DCHS1: variants seen among roughly 807,000 people sequenced by gnomAD.
The protein encoded by DCHS1 is protocadherin-16.
Under a neutral mutation model 213.9 loss-of-function variants are expected in DCHS1, and 78 were observed. The observed-to-expected ratio is 0.36, with a 90% CI of 0.30 to 0.44. The LOEUF is 0.44. Ranked by LOEUF, DCHS1 falls within the 20% of genes least tolerant of loss-of-function variation. DCHS1 has a pLI of 1.00. For synonymous variants in DCHS1, 1,828 were observed against 1,873.7 expected (o/e 0.98, Z 0.63); for missense variants, 3,946 against 4,395.9 (o/e 0.90, Z 2.89).
In DCHS1 at chr11:6,653,535, T is replaced by C. The variant is rs139722144; in HGVS notation, c.-121+2028A>G. 4.0e-3 allele frequency among the ~76,000 whole-genome samples: 613 copies of C among 152,272 alleles called. 4 individuals carry two copies. The highest frequency in any genetic ancestry group is 7.4e-3 in the Non-Finnish European group (506 of 68,024). ...ATGAATTAGCGTTTTGATTAATTAA[T>C]CTACTGAAAACAATGGTGTGAGGGA... On this transcript the variant is annotated intron_variant, in intron 1 of 20. Coordinates refer to ENST00000299441, the MANE Select transcript of DCHS1 (RefSeq NM_003737.4).
At position 6,625,080 on chromosome 11, in the gene DCHS1, T is replaced by C; in HGVS notation, c.7146+118A>G. On this transcript the variant is annotated intron_variant, in intron 19 of 20. Coordinates refer to ENST00000299441, the MANE Select transcript of DCHS1 (RefSeq NM_003737.4). The surrounding 1 kb of genome is among the most constrained non-coding windows in gnomAD (Gnocchi z 5.3). Reference sequence around the variant, plus strand: ...GATGTAGTTCACAGGACTTGGGACCTTCCCATTCCCAGATCAGCTCCAACG... The same window carrying C: ...GATGTAGTTCACAGGACTTGGGACCCTCCCATTCCCAGATCAGCTCCAACG... 3 of 1,440,570 alleles carry C rather than the reference T, an allele frequency of 2.1e-6. No homozygotes were observed. The highest frequency in any genetic ancestry group is 1.9e-6 in the Non-Finnish European group (2 of 1,069,132). 89.2% of individuals were successfully genotyped at this position (1,440,570 alleles called of 1,614,324 possible).
chr11:6,652,242 G>T (rs1021425930), intron 1 of DCHS1, among the ~76,000 whole-genome samples: 1 of 152,184 alleles, frequency 6.6e-6, no homozygotes, highest in Non-Finnish European at 1.5e-5. Flanking sequence ...AAGGAGAAAA[G>T]AATGGTCAAT....
intron 1 of DCHS1, among the ~76,000 whole-genome samples, chr11:6,653,478 G>C: frequency 6.6e-6 from 1 of 152,244 alleles, no homozygotes; most frequent in Non-Finnish European, 1.5e-5. Context: ...ATGCCTAGCA[G>C]AGTAGGTGCC....
At chr11:6,634,337 C>T in intron 2 of DCHS1, 31 bp from the exon 3 acceptor site, 3 of 1,533,132 alleles carry the variant, frequency 2.0e-6, no homozygotes, top group Non-Finnish European at 1.8e-6. Context: ...GTGGTGTCCC[C>T]TCTTCTTTGC....
At chr11:6,642,453 C>T (rs1018966039) in intron 1 of DCHS1, among the ~76,000 whole-genome samples, 1 of 152,078 alleles carries the variant, frequency 6.6e-6, no homozygotes, top group Non-Finnish European at 1.5e-5. Flanking sequence ...TCAGGGAGTC[C>T]GTGTTTTGCC....
rs760159476 is a variant in DCHS1 at position 6,627,320 on chromosome 11, T to G, written c.5719A>C (p.Ser1907Arg). 5.6e-6 allele frequency: 9 copies of G among 1,610,956 alleles called. No homozygotes were observed. The highest frequency in any genetic ancestry group is 7.6e-6 in the Non-Finnish European group (9 of 1,178,702). Residue 1907 changes from serine to arginine, a missense_variant, in exon 14 of 21, where the codon AGC becomes CGC. Around this residue, in one of 3 missense-constraint regions of DCHS1, gnomAD observed 3,384 missense variants for 3,780.1 expected, o/e 0.90. Coordinates refer to ENST00000299441, the MANE Select transcript of DCHS1 (RefSeq NM_003737.4). The surrounding 1 kb of genome is among the most constrained non-coding windows in gnomAD (Gnocchi z 5.4). The part of the protein sequence containing the change: ...GTAGAFLLEP[S>R]SGELRTAAAL... ...GCAGCTGTGCGCAGTTCTCCAGAGC[T>G]GGGCTCCAGCAGGAAGGCTCCTGCT...
In DCHS1 at chr11:6,624,068, C is replaced by G. The variant is rs1293212832; in HGVS notation, c.7608G>C (p.Arg2536Ser). ...CAGCACTCTCCCCAGCCTCAGCCAG[C>G]CTGGGTTCCAGCTGGAAGACTCGGC... ...NWGRVFQLEP[R>S]LAEAGESAGP... Residue 2536 changes from arginine to serine, a missense_variant, in exon 21 of 21, where the codon AGG becomes AGC. Transcript: ENST00000299441. 1.2e-6 allele frequency: 2 copies of G among 1,613,164 alleles called. No individual in the cohort carries two copies. Among genetic ancestry groups the G allele is most frequent in the Non-Finnish European group, 8.5e-7 (1 of 1,179,688 alleles).
intron 1 of DCHS1, among the ~76,000 whole-genome samples, chr11:6,653,353 A>G (rs146842806): frequency 1.5e-3 from 234 of 152,318 alleles, no homozygotes; most frequent in African/African-American, 4.9e-3. Flanking sequence ...ACACTGGCCT[A>G]GGTTACTCTG....
rs368384135 is a variant in DCHS1, at chr11:6,621,966, G to A, written c.9710C>T (p.Ser3237Phe). The change falls in exon 21 of 21, where the codon TCC becomes TTC. Residue 3237 changes from serine (S) to phenylalanine (F), a missense_variant. Ser to Phe is a radical substitution (Grantham distance 155, BLOSUM62 -2). Coordinates refer to ENST00000299441, the MANE Select transcript of DCHS1 (RefSeq NM_003737.4). Reference protein sequence around the residue: ...RAIFPPASHRSPISHEGSLSS... With the variant: ...RAIFPPASHRFPISHEGSLSS... ...CAGGGAGCCTTCATGGCTGATGGGGGAGCGGTGAGAAGCTGGTGGGAAGAT... is the reference window on the plus strand; with the variant it reads ...CAGGGAGCCTTCATGGCTGATGGGGAAGCGGTGAGAAGCTGGTGGGAAGAT... 6 of 1,613,382 alleles carry A rather than the reference G, an allele frequency of 3.7e-6. No homozygotes were observed. The African/African-American group carries it at 6.7e-5, about 18-fold the overall frequency.
In DCHS1 at chr11:6,630,417, G is replaced by T; in HGVS notation, c.4377C>A (p.Arg1459=). The T allele has an allele frequency of 6.9e-7, 1 of 1,449,162 alleles. No individual in the cohort carries two copies. Among genetic ancestry groups the T allele is most frequent in the Admixed American group, 2.7e-5 (1 of 37,472 alleles). The allele number at this position is 1,449,162 out of a possible 1,614,324, so 89.8% of individuals were successfully genotyped here. Residue 1459 remains arginine, a synonymous_variant, in exon 10 of 21, where the codon CGC becomes CGA. Transcript: ENST00000299441. ...GGCCGGGGCCGTCGGCGTCCGACGC[G>T]CGGAAAGTGTACAGCGCTGCGCCGG... The part of the protein sequence containing the change: ...PEPGAALYTF[R]ASDADGPGPN...
chr11:6,643,636 G>C (rs188588943), intron 1 of DCHS1, among the ~76,000 whole-genome samples: 15 of 152,288 alleles, frequency 9.8e-5, no homozygotes, highest in Non-Finnish European at 7.4e-5. Context: ...GTCCTGGGCA[G>C]TGTCTTTTCC....
At position 6,640,735 on chromosome 11, in the gene DCHS1, C is replaced by G. The variant is rs1226505810; in HGVS notation, c.879G>C (p.Glu293Asp). ...CACCCTCGCTCTGCCTCCGGTTGAT[C>G]TCGTAAGTCACAGCCCCATTGACAC... is the stretch of plus-strand genomic sequence containing the variant. Reference protein sequence around the residue: ...DAGVNGAVTYEINRRQSEGDG... With the variant: ...DAGVNGAVTYDINRRQSEGDG... Residue 293 changes from glutamate to aspartate, a missense_variant, in exon 2 of 21, where the codon GAG (glutamate) becomes GAC (aspartate). This residue lies in a region of DCHS1 where 3,384 missense variants were observed against 3,780.1 expected (regional missense o/e 0.90). Coordinates refer to ENST00000299441, the MANE Select transcript of DCHS1 (RefSeq NM_003737.4). This position sits in a 1 kb window ranked among gnomAD's most constrained non-coding sequence, Gnocchi z 6.5. 2.4e-5 allele frequency: 38 copies of G among 1,613,830 alleles called. No homozygotes were observed. Among genetic ancestry groups the G allele is most frequent in the Non-Finnish European group, 3.1e-5 (36 of 1,179,890 alleles).
rs199875933 is a variant in DCHS1, at chr11:6,634,168, G to A, written c.1936C>T (p.Arg646Cys). The A allele has an allele frequency of 6.8e-6, 11 of 1,612,096 alleles. No individual in the cohort carries two copies. Among genetic ancestry groups the A allele is most frequent in the Middle Eastern group, 1.6e-4 (1 of 6,078 alleles). Residue 646 changes from arginine to cysteine, a missense_variant, in exon 3 of 21, where the codon CGT becomes TGT. Transcript: ENST00000299441. Reference sequence around the variant, plus strand: ...TCAAAGCTTGAGGGCCCCTGGTCACGGTCCAGGGTCCGGGTTGTGCACACA... The same window carrying A: ...TCAAAGCTTGAGGGCCCCTGGTCACAGTCCAGGGTCCGGGTTGTGCACACA... ...GDVCTTRTLD[R>C]DQGPSSFDFT... is the part of the protein sequence containing the mutation.
rs947274722 is a variant in DCHS1 at position 6,622,637 on chromosome 11, T to C, written c.9039A>G (p.Pro3013=). 6.9e-6 allele frequency: 11 copies of C among 1,588,146 alleles called. No homozygotes were observed. Among genetic ancestry groups the C allele is most frequent in the Non-Finnish European group, 9.4e-6 (11 of 1,167,584 alleles). Residue 3013 remains proline, a synonymous_variant, in exon 21 of 21, where the codon CCA becomes CCG. Transcript: ENST00000299441. This position sits in a 1 kb window ranked among gnomAD's most constrained non-coding sequence, Gnocchi z 5.4. Reference sequence around the variant, plus strand: ...CACGGGGGTAGGGTCCTCCAGCTCCTGGCCCACCATAGCTGGGAAGAGTCT... The same window carrying C: ...CACGGGGGTAGGGTCCTCCAGCTCCCGGCCCACCATAGCTGGGAAGAGTCT... ...YHQTLPSYGG[P]GAGGPYPRGG...
intron 2 of DCHS1, among the ~76,000 whole-genome samples, chr11:6,636,784 C>G (rs181411252): frequency 5.3e-5 from 8 of 152,196 alleles, no homozygotes; most frequent in Admixed American, 3.3e-4. Flanking sequence ...CCTCTTCTCA[C>G]TCCACACATT....
Position 6,631,729 on chromosome 11 carries a change from T to C in DCHS1, c.3562A>G (p.Ser1188Gly). 2 of 1,608,990 alleles carry C rather than the reference T, an allele frequency of 1.2e-6. No homozygotes were observed. The highest frequency in any genetic ancestry group is 1.7e-6 in the Non-Finnish European group (2 of 1,177,470). ...QLLVQVQDGG[S>G]PPRSTTGTVH... ...GTGCCTGTGGTGCTGCGGGGTGGGC[T>C]CCCTCCATCCTGCACCTGCACCAGG... Residue 1188 changes from serine (S) to glycine (G), a missense_variant, in exon 7 of 21, where the codon AGC becomes GGC. By Grantham distance (56) the Ser-to-Gly change is moderately conservative. Coordinates refer to ENST00000299441, the MANE Select transcript of DCHS1 (RefSeq NM_003737.4).
rs138329507 is a variant in DCHS1, at chr11:6,627,127, C to A, written c.5912G>T (p.Arg1971Leu). Residue 1971 changes from arginine (R) to leucine (L), a missense_variant, in exon 14 of 21, where the codon CGC becomes CTC. Physicochemically the swap from Arg to Leu is moderately radical, Grantham distance 102 (BLOSUM62 -2). Transcript: ENST00000299441. The surrounding 1 kb of genome is among the most constrained non-coding windows in gnomAD (Gnocchi z 5.4). ...PTSPLRLRLPRPGPSFSTPTL... is the reference protein window; with the variant it reads ...PTSPLRLRLPLPGPSFSTPTL... ...TGGGGTACTGAAGCTGGGGCCTGGG[C>A]GGGGCAGACGTAGGCGCAGAGGACT... 8.7e-6 allele frequency: 14 copies of A among 1,612,522 alleles called. No homozygotes were observed. Among genetic ancestry groups the A allele is most frequent in the Non-Finnish European group, 1.2e-5 (14 of 1,179,382 alleles).
Position 6,625,453 on chromosome 11 carries a change from C to G in DCHS1, c.6891G>C (p.Gln2297His), listed in dbSNP as rs1387695061. 2 of 1,601,890 alleles carry G rather than the reference C, an allele frequency of 1.2e-6. No individual in the cohort carries two copies. Among genetic ancestry groups the G allele is most frequent in the African/African-American group, 2.7e-5 (2 of 74,288 alleles). The change falls in exon 19 of 21, where the codon CAG becomes CAC. Residue 2297 changes from glutamine to histidine, a missense_variant. By Grantham distance (24) the Gln-to-His change is conservative. Coordinates refer to ENST00000299441, the MANE Select transcript of DCHS1 (RefSeq NM_003737.4). This position sits in a 1 kb window ranked among gnomAD's most constrained non-coding sequence, Gnocchi z 5.3. ...CTGAGTCCACATCATTCCCTGTTAC[C>G]TGTGCAATCTCTGAGCCCAATAACG... ...EDALLGSEIA[Q>H]VTGNDVDSGP...
chr11:6,631,076 C>T lies in DCHS1; in HGVS notation c.3907G>A (p.Ala1303Thr), dbSNP rs771547787. 4 of 1,610,850 alleles carry T rather than the reference C, an allele frequency of 2.5e-6. No individual in the cohort carries two copies. In the African/African-American group the frequency reaches 4.0e-5, roughly 16 times the overall value. The part of the protein sequence containing the change: ...AHDQGSPPRS[A>T]SLQLLVQVLP... ...ACCTGCACCAGCAGCTGGAGGCTGGCACTTCGAGGAGGGCTGCCTTGGTCA... is the reference window on the plus strand; with the variant it reads ...ACCTGCACCAGCAGCTGGAGGCTGGTACTTCGAGGAGGGCTGCCTTGGTCA... The change falls in exon 9 of 21, where the codon GCC becomes ACC. Residue 1303 changes from alanine (A) to threonine (T), a missense_variant. By Grantham distance (58) the Ala-to-Thr change is moderately conservative. Coordinates refer to ENST00000299441, the MANE Select transcript of DCHS1 (RefSeq NM_003737.4).
Sources: gnomAD v4.1 joint callset for allele counts (sites outside exome capture counted in the v4.1 genomes callset) on GRCh38, gnomAD v4.1.1 for gene constraint, gnomAD v4.1.1 regional missense constraint, Gnocchi (gnomAD v3.1) non-coding constraint, MANE v1.5 for transcripts, NCBI Gene and HGNC (gene_info 2026-07-23, HGNC 2026-07-21) for gene names.